The following CEP128 variants were observed in gnomAD, a reference collection of about 807,000 sequenced individuals.
CEP128 encodes centrosomal protein 128kDa.
CEP128 carries 132 observed loss-of-function variants against 156.7 expected under a neutral mutation model. That is an observed-to-expected ratio of 0.84 (90% CI 0.73 to 0.97). The LOEUF is 0.97. CEP128 is among the 50% of genes least tolerant of loss of function. CEP128 has a pLI of 0.00. For missense variants in CEP128, 1,252 were observed against 1,281.9 expected, an observed-to-expected ratio of 0.98 and a Z score of 0.36; for synonymous variants, 469 against 448.9, an observed-to-expected ratio of 1.04 and a Z score of -0.57.
chr14:80,872,517 C>A, intron 8 of CEP128, among the ~76,000 whole-genome samples: 1 of 152,096 alleles, frequency 6.6e-6, no homozygotes, highest in East Asian at 1.9e-4. Flanking sequence ...ACAACTGTAG[C>A]CTCAGAATAA....
intron 20 of CEP128, among the ~76,000 whole-genome samples, chr14:80,567,711 C>T (rs1462972914): frequency 6.6e-6 from 1 of 152,094 alleles, no homozygotes; most frequent in East Asian, 1.9e-4. Flanking sequence ...TCCAGTGAAA[C>T]TGCTCGTAAC....
chr14:80,613,121 G>A (rs1019311306), intron 19 of CEP128, among the ~76,000 whole-genome samples: 3 of 150,398 alleles, frequency 2.0e-5, no homozygotes, highest in East Asian at 2.0e-4. Flanking sequence ...CTCCCAAAGT[G>A]CTAGGATTAC....
intron 14 of CEP128, among the ~76,000 whole-genome samples, chr14:80,481,326 C>T (rs777590108): frequency 1.8e-4 from 27 of 152,158 alleles, no homozygotes; most frequent in Non-Finnish European, 2.6e-4. Context: ...CATTAGCTCT[C>T]GTAAGGCTTA....
chr14:80,596,782 A>G (rs1285788598), intron 19 of CEP128, among the ~76,000 whole-genome samples: 1 of 119,234 alleles, frequency 8.4e-6, no homozygotes, highest in African/African-American at 3.1e-5. Flanking sequence ...TGGTTGGGCC[A>G]TTGCACTCTA....
chr14:80,874,755 C>G (rs1888200363), intron 8 of CEP128, among the ~76,000 whole-genome samples: 1 of 152,000 alleles, frequency 6.6e-6, no homozygotes, highest in Non-Finnish European at 1.5e-5. Flanking sequence ...GTAGCTGGGA[C>G]TACAGGCGCC....
chr14:80,519,671 T>A (rs1425370260), intron 23 of CEP128, among the ~76,000 whole-genome samples: 1 of 152,194 alleles, frequency 6.6e-6, no homozygotes, highest in African/African-American at 2.4e-5. Flanking sequence ...GGCAGATGTT[T>A]TACTTAAAGT....
At chr14:80,539,090 G>C (rs1889620384) in intron 21 of CEP128, among the ~76,000 whole-genome samples, 1 of 152,208 alleles carries the variant, frequency 6.6e-6, no homozygotes, top group Non-Finnish European at 1.5e-5. Context: ...CATTTATTCA[G>C]TCTGCAAATA....
At chr14:80,672,016 A>G (rs560734322) in intron 19 of CEP128, among the ~76,000 whole-genome samples, 44 of 152,274 alleles carry the variant, frequency 2.9e-4, no homozygotes, top group Non-Finnish European at 5.4e-4. Context: ...GCAAAAACAG[A>G]GATTTACACC....
At chr14:80,504,859 G>A in intron 24 of CEP128, 53 bp downstream of exon 24, 2 of 911,620 alleles carry the variant, frequency 2.2e-6, no homozygotes, top group Non-Finnish European at 3.4e-6. Flanking sequence ...TTTCCCATGT[G>A]TTGCATTTTC....
chr14:80,796,558 A>C (rs1374893521), intron 13 of CEP128, among the ~76,000 whole-genome samples: 1 of 152,060 alleles, frequency 6.6e-6, no homozygotes, highest in Non-Finnish European at 1.5e-5. Context: ...AACTTTCATA[A>C]TACTACTTCT....
At chr14:80,931,753 A>C (rs981657550) in intron 2 of CEP128, among the ~76,000 whole-genome samples, 2 of 152,238 alleles carry the variant, frequency 1.3e-5, no homozygotes, top group Non-Finnish European at 2.9e-5. Context: ...GCATTCAGAG[A>C]AAACTAGAAT....
chr14:80,719,408 T>C (rs1423932732), intron 19 of CEP128, among the ~76,000 whole-genome samples: 1 of 152,238 alleles, frequency 6.6e-6, no homozygotes, highest in Non-Finnish European at 1.5e-5. Context: ...TCCCAGGGTA[T>C]GCTAAGAACT....
At chr14:80,893,813 G>C (rs1050957866) in intron 8 of CEP128, among the ~76,000 whole-genome samples, 1 of 151,872 alleles carries the variant, frequency 6.6e-6, no homozygotes, top group Non-Finnish European at 1.5e-5. Context: ...TGGAATACTG[G>C]CATTTGGATA....
intron 17 of CEP128, 21 bp downstream of exon 17, chr14:80,761,416 G>C: frequency 1.3e-6 from 2 of 1,528,364 alleles, no homozygotes; most frequent in Non-Finnish European, 1.8e-6. Flanking sequence ...AATATAAGGT[G>C]CAATGAGAAT....
intron 19 of CEP128, among the ~76,000 whole-genome samples, chr14:80,733,046 C>T (rs1898354054): frequency 3.3e-5 from 5 of 152,026 alleles, no homozygotes; most frequent in Admixed American, 2.6e-4. Context: ...ATCAGTAGAC[C>T]GAAAAAAAGC....
intron 19 of CEP128, among the ~76,000 whole-genome samples, chr14:80,719,842 C>T (rs1200993971): frequency 1.3e-5 from 2 of 152,068 alleles, no homozygotes; most frequent in African/African-American, 2.4e-5. Flanking sequence ...TGTGCACCAC[C>T]GCAGCAAGGA....
intron 19 of CEP128, among the ~76,000 whole-genome samples, chr14:80,694,859 A>G (rs1896837042): frequency 6.6e-6 from 1 of 151,890 alleles, no homozygotes; most frequent in Non-Finnish European, 1.5e-5. Context: ...TGGCACACGT[A>G]TACCTATGTA....
intron 8 of CEP128, among the ~76,000 whole-genome samples, chr14:80,884,452 G>A (rs1888699639): frequency 1.3e-5 from 2 of 152,164 alleles, no homozygotes; most frequent in African/African-American, 4.8e-5. Flanking sequence ...TTCCAACTGA[G>A]GTATCAAGTT....
intron 19 of CEP128, among the ~76,000 whole-genome samples, chr14:80,659,463 G>C (rs929020177): frequency 2.0e-5 from 3 of 152,144 alleles, no homozygotes; most frequent in African/African-American, 7.2e-5. Flanking sequence ...ATAAAGACAC[G>C]CATGCATTGG....
Sources: gnomAD v4.1 joint callset for allele counts (sites outside exome capture counted in the v4.1 genomes callset) on GRCh38, gnomAD v4.1.1 for gene constraint, MANE v1.5 for transcripts, NCBI Gene and HGNC (gene_info 2026-07-23, HGNC 2026-07-21) for gene names.